The following AQP8 variants were observed in gnomAD, a reference collection of about 807,000 sequenced individuals.
AQP8 encodes aquaporin 8, also known as aquaporin-8.
AQP8 carries 14 observed loss-of-function variants against 26.1 expected under a neutral mutation model. That is an observed-to-expected ratio of 0.54 (90% CI 0.35 to 0.84). The LOEUF is 0.84. Ranked by LOEUF, AQP8 falls within the 40% of genes least tolerant of loss-of-function variation. The probability of loss-of-function intolerance (pLI) is 0.01; values close to 1 mark genes in which losing one functional copy is unlikely to be tolerated. For missense variants in AQP8, 301 were observed against 340.5 expected (o/e 0.88, Z 0.91); for synonymous variants, 131 against 150.7 (o/e 0.87, Z 0.96).
In AQP8 at chr16:25,228,706, G is replaced by A; in HGVS notation, c.*214G>A. The A allele has an allele frequency of 1.8e-6, 1 of 552,734 alleles. No homozygotes were observed. The highest frequency in any genetic ancestry group is 3.3e-6 in the Non-Finnish European group (1 of 307,674). The allele number at this position is 552,734 out of a possible 1,614,324, so 34.2% of individuals were successfully genotyped here. On this transcript the variant is annotated 3_prime_UTR_variant, in exon 6 of 6. Transcript: ENST00000219660. ...TTGTGCTCATCAGAGACCCCAGCCT[G>A]GGGAACACGCTGCCCGCACTGCCCA...
intron 5 of AQP8, 57 bp downstream of exon 5, chr16:25,227,259 C>T (rs1962648639): frequency 6.2e-7 from 1 of 1,608,980 alleles, no homozygotes; most frequent in Admixed American, 1.7e-5. Flanking sequence ...CAACATCTCC[C>T]AGAGAGTCCG....
chr16:25,223,403 G>A (rs1195343861), intron 3 of AQP8, among the ~76,000 whole-genome samples: 1 of 152,238 alleles, frequency 6.6e-6, no homozygotes, highest in African/African-American at 2.4e-5. Flanking sequence ...AAGTTTCTAA[G>A]AGTAAGGTAT....
chr16:25,221,421 T>G (rs757736005), intron 2 of AQP8, 36 bp from the exon 3 acceptor site: 1 of 1,612,594 alleles, frequency 6.2e-7, no homozygotes, highest in Non-Finnish European at 8.5e-7. Context: ...TGGTCAGCCC[T>G]GGGCTCATGA....
At chr16:25,223,830 C>CTTTTTT (rs112495757) in intron 3 of AQP8, among the ~76,000 whole-genome samples, 6 of 144,430 alleles carry the variant, frequency 4.2e-5, no homozygotes, top group African/African-American at 5.1e-5. Context: ...TTTTCTTTTT[C>CTTTTTT]TTTTTTTTTT....
chr16:25,227,227 G>T lies in AQP8; in HGVS notation c.737+25G>T, dbSNP rs377760895. The T allele has an allele frequency of 1.9e-6, 3 of 1,613,312 alleles. No homozygotes were observed. In the African/African-American group the frequency reaches 4.0e-5, roughly 22 times the overall value. On this transcript the variant is annotated intron_variant, in intron 5 of 5. Coordinates refer to ENST00000219660, the MANE Select transcript of AQP8 (RefSeq NM_001169.3). ...GGTAGGAGTGTGACACAGGGTCACC[G>T]GCCCATTGGATGGGCACTTGGCAAC... is the stretch of plus-strand genomic sequence containing the variant.
intron 2 of AQP8, among the ~76,000 whole-genome samples, chr16:25,221,249 T>G (rs1322438570): frequency 6.6e-6 from 1 of 152,002 alleles, no homozygotes; most frequent in Admixed American, 6.6e-5. Flanking sequence ...GGCTTTGGAC[T>G]TAGAGGCTGC....
At chr16:25,222,193 G>A (rs1962571975) in intron 3 of AQP8, among the ~76,000 whole-genome samples, 1 of 152,106 alleles carries the variant, frequency 6.6e-6, no homozygotes. Context: ...AGCCTCTTGA[G>A]TAGCTGGGAC....
At chr16:25,219,651 A>G (rs1465151991) in intron 2 of AQP8, among the ~76,000 whole-genome samples, 1 of 151,342 alleles carries the variant, frequency 6.6e-6, no homozygotes, top group Non-Finnish European at 1.5e-5. Context: ...TGTGTATCTC[A>G]GCAGAGCCCA....
In AQP8 at chr16:25,217,235, C is replaced by A; in HGVS notation, c.50C>A (p.Ala17Asp). The change falls in exon 2 of 6, where the codon GCC (alanine) becomes GAC (aspartate). Residue 17 changes from alanine to aspartate, a missense_variant. By Grantham distance (126) the Ala-to-Asp change is moderately radical. Coordinates refer to ENST00000219660, the MANE Select transcript of AQP8 (RefSeq NM_001169.3). Reference protein sequence around the residue: ...MCEPEFGNDKAREPSVGGRWR... With the variant: ...MCEPEFGNDKDREPSVGGRWR... ...GAGCCTGAATTTGGCAATGACAAGG[C>A]CAGGGAGCCGAGCGTGGGTGGCAGG... The A allele has an allele frequency of 6.2e-7, 1 of 1,614,170 alleles. No individual in the cohort carries two copies. Among genetic ancestry groups the A allele is most frequent in the South Asian group, 1.1e-5 (1 of 91,084 alleles).
At chr16:25,226,958 T>C in intron 4 of AQP8, 110 bp from the exon 5 acceptor site, 2 of 1,518,906 alleles carry the variant, frequency 1.3e-6, no homozygotes, top group Non-Finnish European at 1.8e-6. Context: ...TGTAGGAGTT[T>C]AGAGAGGGTT....
intron 2 of AQP8, among the ~76,000 whole-genome samples, chr16:25,221,119 A>G (rs73551035): frequency 0.035 from 5,290 of 152,226 alleles, 114 homozygotes; most frequent in African/African-American, 0.05. Context: ...GAGCCTTGGT[A>G]TCTCAATCTG....
In AQP8 at chr16:25,224,457, G is replaced by A; in HGVS notation, c.483G>A (p.Glu161=). The change falls in exon 4 of 6, where the codon GAG becomes GAA. Residue 161 remains glutamate, a synonymous_variant. Coordinates refer to ENST00000219660, the MANE Select transcript of AQP8 (RefSeq NM_001169.3). ...AGGTGGCAGGGGCGTTGGTGGCAGA[G>A]ATCATCCTGACGACGCTGCTGGCCC... ...QGQVAGALVA[E]IILTTLLALA... The A allele has an allele frequency of 1.2e-6, 2 of 1,614,212 alleles. No homozygotes were observed. Among genetic ancestry groups the A allele is most frequent in the Non-Finnish European group, 1.7e-6 (2 of 1,180,040 alleles).
intron 3 of AQP8, among the ~76,000 whole-genome samples, chr16:25,223,849 C>T (rs1364046530): frequency 6.9e-5 from 10 of 144,906 alleles, no homozygotes; most frequent in South Asian, 2.1e-4. Flanking sequence ...TTTTTTGAGA[C>T]GGAGTCTTGC....
intron 3 of AQP8, among the ~76,000 whole-genome samples, chr16:25,224,018 G>A (rs1445736368): frequency 6.6e-6 from 1 of 152,032 alleles, no homozygotes; most frequent in Non-Finnish European, 1.5e-5. Flanking sequence ...GTGGAGATGG[G>A]GTTTCACCAT....
intron 2 of AQP8, 112 bp downstream of exon 2, chr16:25,217,557 C>A: frequency 6.3e-6 from 9 of 1,435,656 alleles, no homozygotes; most frequent in Non-Finnish European, 8.5e-6. Flanking sequence ...TTTCAAGGAG[C>A]GCTCTGGATA....
chr16:25,223,283 G>T (rs545607142), intron 3 of AQP8, among the ~76,000 whole-genome samples: 2 of 152,374 alleles, frequency 1.3e-5, no homozygotes, highest in Admixed American at 6.5e-5. Context: ...CCCTGAGGCC[G>T]ATCGCCCATA....
At chr16:25,219,808 A>T (rs111623421) in intron 2 of AQP8, among the ~76,000 whole-genome samples, 2 of 148,710 alleles carry the variant, frequency 1.3e-5, no homozygotes, top group South Asian at 4.1e-4. Flanking sequence ...AGGCCGAGGC[A>T]GGTGAATCAC....
chr16:25,223,135 T>C (rs945705247), intron 3 of AQP8, among the ~76,000 whole-genome samples: 4 of 152,234 alleles, frequency 2.6e-5, no homozygotes, highest in Non-Finnish European at 5.9e-5. Flanking sequence ...CCCTATTTTA[T>C]AGATGAGAAA....
At position 25,221,615 on chromosome 16, in the gene AQP8, C is replaced by G. The variant is rs372538557; in HGVS notation, c.387+32C>G. 9 of 1,612,708 alleles carry G rather than the reference C, an allele frequency of 5.6e-6. No individual in the cohort carries two copies. In the African/African-American group the frequency reaches 1.2e-4, roughly 22 times the overall value. On this transcript the variant is annotated intron_variant, in intron 3 of 5. Coordinates refer to ENST00000219660, the MANE Select transcript of AQP8 (RefSeq NM_001169.3). ...AAACCCCAGGGGCTGGGCTAGTCTT[C>G]CTCTCTGATGGGGCTGCTGGAGGTG...
Sources: allele counts gnomAD v4.1 joint callset (sites outside exome capture counted in the v4.1 genomes callset), GRCh38; gene constraint gnomAD v4.1.1; transcripts MANE v1.5; gene names NCBI Gene and HGNC (gene_info 2026-07-23, HGNC 2026-07-21).